THBS4: variants seen among roughly 807,000 people sequenced by gnomAD.
THBS4 encodes the protein thrombospondin 4, also known as thrombospondin-4.
In THBS4, 90 loss-of-function variants were observed where a neutral mutation model predicts 115.7. The ratio of observed to expected loss-of-function variants is 0.78; its 90% confidence interval spans 0.66 to 0.93. The LOEUF is 0.93. THBS4 is among the 40% of genes least tolerant of loss of function. The pLI, the probability that THBS4 is intolerant of heterozygous loss-of-function variation, is 0.00. For missense variants in THBS4, 1,087 were observed against 1,232.7 expected (o/e 0.88, Z 1.77); for synonymous variants, 460 against 479.3 (o/e 0.96, Z 0.53).
At chr5:80,083,019 G>T in intron 21 of THBS4, 61 bp from the exon 22 acceptor site, 1 of 1,487,056 alleles carries the variant, frequency 6.7e-7, no homozygotes. Flanking sequence ...CCGCGGGCGG[G>T]GGTCCGGGGT....
chr5:80,073,575 G>A (rs1229409326), intron 15 of THBS4, among the ~76,000 whole-genome samples: 1 of 152,072 alleles, frequency 6.6e-6, no homozygotes, highest in African/African-American at 2.4e-5. Context: ...CAGTAGAGAC[G>A]GGGTTTCACC....
upstream of THBS4, among the ~76,000 whole-genome samples, chr5:80,031,592 G>A (rs952770926): frequency 6.6e-6 from 1 of 152,222 alleles, no homozygotes; most frequent in African/African-American, 2.4e-5. Flanking sequence ...CTGTCAGCTT[G>A]ATCTTGGCTG....
Position 80,070,353 on chromosome 5 carries a change from G to A in THBS4, c.1395G>A (p.Val465=), listed in dbSNP as rs199884147. 3 of 1,610,982 alleles carry A rather than the reference G, an allele frequency of 1.9e-6. No individual in the cohort carries two copies. The highest frequency in any genetic ancestry group is 1.7e-6 in the Non-Finnish European group (2 of 1,178,478). Residue 465 remains valine (V), a synonymous_variant, in exon 11 of 22, where the codon GTG becomes GTA. Coordinates refer to ENST00000350881, the MANE Select transcript of THBS4 (RefSeq NM_003248.6). ...AGDGYICGKD[V]DIDSYPDEEL... ...ATGGCTATATCTGTGGAAAGGATGT[G>A]GACATCGACAGTTACCCCGACGAAG...
intron 2 of THBS4, among the ~76,000 whole-genome samples, chr5:80,002,189 G>C (rs1429486264): frequency 6.6e-6 from 1 of 152,088 alleles, no homozygotes; most frequent in Admixed American, 6.5e-5. Flanking sequence ...ACACTGGTGG[G>C]TACCCTACAA....
At chr5:80,044,009 C>G (rs537451335) in intron 2 of THBS4, among the ~76,000 whole-genome samples, 23 of 152,192 alleles carry the variant, frequency 1.5e-4, no homozygotes, top group Non-Finnish European at 2.9e-4. Flanking sequence ...TGCTGCCTCT[C>G]CTCCATCCTT....
chr5:80,064,351 T>C (rs2438647), intron 8 of THBS4, among the ~76,000 whole-genome samples: 84,450 of 152,142 alleles, frequency 0.56, 23,757 homozygotes, highest in Middle Eastern at 0.65. Flanking sequence ...TGTAAAGACA[T>C]GCCAAAATTC....
At chr5:80,004,124 C>T (rs1484007974) in intron 2 of THBS4, among the ~76,000 whole-genome samples, 1 of 152,184 alleles carries the variant, frequency 6.6e-6, no homozygotes, top group East Asian at 1.9e-4. Context: ...TTGACAGTAG[C>T]TTTCGCAGGG....
chr5:80,070,693 T>C lies in THBS4; in HGVS notation c.1503T>C (p.Asp501=). The part of the protein sequence containing the change: ...PNSGQEDADR[D]GIGDACDEDA... ...CTGGCCAAGAAGATGCAGACAGAGATGGCATTGGCGACGCTTGTGACGAGG... is the reference window on the plus strand; with the variant it reads ...CTGGCCAAGAAGATGCAGACAGAGACGGCATTGGCGACGCTTGTGACGAGG... Residue 501 remains aspartate (D), a synonymous_variant, in exon 12 of 22, where the codon GAT becomes GAC. Coordinates refer to ENST00000350881, the MANE Select transcript of THBS4 (RefSeq NM_003248.6). 1.2e-6 allele frequency: 2 copies of C among 1,614,162 alleles called. No individual in the cohort carries two copies. The highest frequency in any genetic ancestry group is 1.3e-5 in the African/African-American group (1 of 75,032).
At chr5:80,065,327 A>T in intron 8 of THBS4, 82 bp from the exon 9 acceptor site, 1 of 1,295,648 alleles carries the variant, frequency 7.7e-7, no homozygotes, top group Non-Finnish European at 1.1e-6. Flanking sequence ...TCACACAAAG[A>T]TAGCAAAACA....
At chr5:80,057,779 C>T (rs1833479513) in intron 3 of THBS4, among the ~76,000 whole-genome samples, 2 of 152,178 alleles carry the variant, frequency 1.3e-5, no homozygotes, top group African/African-American at 4.8e-5. Context: ...ATTCTCATAT[C>T]CCAAAGAAGT....
chr5:80,065,372 T>G (rs1479119073), intron 8 of THBS4, 37 bp from the exon 9 acceptor site: 1 of 1,569,416 alleles, frequency 6.4e-7, no homozygotes, highest in Admixed American at 1.7e-5. Context: ...TTAAGCAGCA[T>G]GTCTCGCTAA....
chr5:79,996,919 C>G (rs553204170), intron 1 of THBS4, among the ~76,000 whole-genome samples: 1 of 151,976 alleles, frequency 6.6e-6, no homozygotes, highest in South Asian at 2.1e-4. Flanking sequence ...AGTGGTAAAA[C>G]CTAATATACC....
intron 2 of THBS4, among the ~76,000 whole-genome samples, chr5:80,047,953 A>G (rs1443147598): frequency 6.6e-6 from 1 of 151,840 alleles, no homozygotes; most frequent in Non-Finnish European, 1.5e-5. Flanking sequence ...CCAAAAATAC[A>G]TTTTTTAAAA....
In THBS4 at chr5:80,067,983, G is replaced by A. The variant is rs768593194; in HGVS notation, c.1205G>A (p.Arg402His). 28 of 1,613,982 alleles carry A rather than the reference G, an allele frequency of 1.7e-5. No homozygotes were observed. Among genetic ancestry groups the A allele is most frequent in the Middle Eastern group, 1.6e-4 (1 of 6,078 alleles). The change falls in exon 10 of 22, where the codon CGC (arginine) becomes CAC (histidine). Residue 402 changes from arginine to histidine, a missense_variant. This residue lies in a region of THBS4 where 979 missense variants were observed against 1,103.7 expected (regional missense o/e 0.89). Coordinates refer to ENST00000350881, the MANE Select transcript of THBS4 (RefSeq NM_003248.6). The stretch of plus-strand genomic sequence containing the variant: ...CTTTGTTCCTTGCAGGGATCTTACC[G>A]CTGTGGGCCTTGTAAGCCGGGGTAT... Reference protein sequence around the residue: ...SICVNTLGSYRCGPCKPGYTG... With the variant: ...SICVNTLGSYHCGPCKPGYTG...
At chr5:80,003,130 A>G (rs1170289050) in intron 2 of THBS4, among the ~76,000 whole-genome samples, 1 of 152,132 alleles carries the variant, frequency 6.6e-6, no homozygotes, top group African/African-American at 2.4e-5. Context: ...AGGGGAATCG[A>G]TATTATTAAG....
intron 2 of THBS4, among the ~76,000 whole-genome samples, chr5:80,047,697 G>A (rs182342041): frequency 4.0e-5 from 6 of 150,240 alleles, no homozygotes; most frequent in Admixed American, 2.0e-4. Context: ...GCAATGGCGC[G>A]TCCTCAGCTC....
chr5:79,991,554 C>T (rs1831672452), intron 1 of THBS4: 1 of 269,534 alleles, frequency 3.7e-6, no homozygotes, highest in Non-Finnish European at 6.9e-6. Flanking sequence ...CAGGGATGAC[C>T]CAGTATTTAC....
At chr5:80,028,497 C>T (rs1401850078) in intron 2 of THBS4, among the ~76,000 whole-genome samples, 3 of 151,728 alleles carry the variant, frequency 2.0e-5, no homozygotes, top group Non-Finnish European at 4.4e-5. Context: ...CTTGATATGT[C>T]GCCCAGGATG....
In THBS4 at chr5:80,070,687, CAG is replaced by C; in HGVS notation, c.1501_1502del (p.Asp501TrpfsTer7). 6.2e-7 allele frequency: 1 copy of C among 1,614,152 alleles called. No homozygotes were observed. The highest frequency in any genetic ancestry group is 8.5e-7 in the Non-Finnish European group (1 of 1,180,026). On this transcript the variant is annotated frameshift_variant, in exon 12 of 22. Transcript: ENST00000350881. LOFTEE classifies it high-confidence loss of function. ...VPNSGQEDADRDGIGDACDED... is the reference protein window; with the variant it reads ...VPNSGQEDADXDGIGDACDED... ...CAAATTCTGGCCAAGAAGATGCAGA[CAG>C]AGATGGCATTGGCGACGCTTGTGAC...
Sources: allele counts gnomAD v4.1 joint callset (sites outside exome capture counted in the v4.1 genomes callset), GRCh38; gene constraint gnomAD v4.1.1; regional missense constraint gnomAD v4.1.1; transcripts MANE v1.5; gene names NCBI Gene and HGNC (gene_info 2026-07-23, HGNC 2026-07-21).